URB2: variants seen among roughly 807,000 people sequenced by gnomAD.
URB2 encodes the protein URB2 ribosome biogenesis homolog, also known as unhealthy ribosome biogenesis protein 2 homolog.
A neutral mutation model predicts 120.9 loss-of-function variants in URB2; 86 were observed. The observed-to-expected ratio is 0.71, with a 90% CI of 0.60 to 0.85. The LOEUF (loss-of-function observed/expected upper bound fraction) is 0.85, where lower values mean the gene tolerates loss of function less well. Among genes scored for constraint, URB2 ranks in the 40% least tolerant of loss-of-function variants. URB2 has a pLI of 0.00. For missense variants in URB2, 1,765 were observed against 1,836.5 expected, an observed-to-expected ratio of 0.96 and a Z score of 0.71; for synonymous variants, 755 against 758.4, an observed-to-expected ratio of 1.00 and a Z score of 0.07.
chr1:229,653,350 A>G (rs1389710294), intron 8 of URB2, among the ~76,000 whole-genome samples: 1 of 152,216 alleles, frequency 6.6e-6, no homozygotes, highest in Non-Finnish European at 1.5e-5. Context: ...ATAAAATTTA[A>G]TGGGTTTTAT....
chr1:229,641,485 C>T (rs1666011242), intron 4 of URB2, among the ~76,000 whole-genome samples: 1 of 152,138 alleles, frequency 6.6e-6, no homozygotes, highest in Admixed American at 6.5e-5. Context: ...GCCTCTTCCA[C>T]CTGAGCTGTT....
chr1:229,645,729 C>A, intron 5 of URB2, 130 bp from the exon 6 acceptor site: 1 of 773,838 alleles, frequency 1.3e-6, no homozygotes, highest in Non-Finnish European at 2.2e-6. Context: ...GCCTTGTCCA[C>A]CTCCCCTGAC....
chr1:229,657,996 C>T lies in URB2; in HGVS notation c.4378-1104C>T, dbSNP rs536655764. Among the ~76,000 whole-genome samples, 28 of 152,198 alleles carry T rather than the reference C, an allele frequency of 1.8e-4. No homozygotes were observed. In the Middle Eastern group the frequency reaches 0.014, roughly 74 times the overall value. ...CCAGGCCTGTCTGCTGATGCTCTAC[C>T]ACTGCTTTGGTTTTTTTCTACTTCT... On this transcript the variant is annotated intron_variant, in intron 9 of 9. Transcript: ENST00000258243.
intron 4 of URB2, among the ~76,000 whole-genome samples, chr1:229,640,395 A>G (rs1407484641): frequency 3.3e-5 from 5 of 152,194 alleles, no homozygotes; most frequent in Non-Finnish European, 7.3e-5. Context: ...TTAATGGAAG[A>G]GATTTCTTGT....
At chr1:229,655,974 A>G (rs1400459605) in intron 9 of URB2, among the ~76,000 whole-genome samples, 1 of 152,216 alleles carries the variant, frequency 6.6e-6, no homozygotes, top group Non-Finnish European at 1.5e-5. Flanking sequence ...TCACCTCGGC[A>G]GGTGGCGATG....
intron 6 of URB2, 118 bp from the exon 7 acceptor site, chr1:229,647,392 C>T: frequency 7.8e-7 from 1 of 1,289,284 alleles, no homozygotes; most frequent in Non-Finnish European, 1.1e-6. Context: ...GCCCACGGAC[C>T]ACATCAATTC....
intron 9 of URB2, 151 bp downstream of exon 9, chr1:229,654,539 C>A: frequency 8.7e-7 from 1 of 1,145,334 alleles, no homozygotes; most frequent in Non-Finnish European, 1.2e-6. Flanking sequence ...CTCACTCAGG[C>A]TGGAGTGCAT....
chr1:229,659,150 C>T lies in URB2; in HGVS notation c.4428C>T (p.Leu1476=). The T allele has an allele frequency of 6.2e-7, 1 of 1,612,924 alleles. No individual in the cohort carries two copies. Among genetic ancestry groups the T allele is most frequent in the Non-Finnish European group, 8.5e-7 (1 of 1,180,024 alleles). ...VKSLLQEGIY[L]ILDLCIEPDV... Reference sequence around the variant, plus strand: ...GTCTGCTGCAGGAGGGCATTTACCTCATCCTGGACCTCTGCATCGAGCCTG... The same window carrying T: ...GTCTGCTGCAGGAGGGCATTTACCTTATCCTGGACCTCTGCATCGAGCCTG... The change falls in exon 10 of 10, where the codon CTC becomes CTT. Residue 1476 remains leucine (L), a synonymous_variant. Transcript: ENST00000258243.
rs761698361 is a variant in URB2 at position 229,647,532 on chromosome 1, A to C, written c.3929A>C (p.Gln1310Pro). ...TAGCTCTTAAACCGAGAAGCTTCTC[A>C]GGAGCAGCCTGTGTCCCTCACAGTG... ...ALTLLNREAS[Q>P]EQPVSLTVVG... Residue 1310 changes from glutamine (Q) to proline (P), a missense_variant, in exon 7 of 10, where the codon CAG becomes CCG. Physicochemically the swap from Gln to Pro is moderately conservative, Grantham distance 76. Transcript: ENST00000258243. The C allele has an allele frequency of 6.2e-7, 1 of 1,613,804 alleles. No individual in the cohort carries two copies. Among genetic ancestry groups the C allele is most frequent in the Admixed American group, 1.7e-5 (1 of 59,998 alleles).
At chr1:229,647,841 G>C (rs1666189810) in intron 7 of URB2, 89 bp downstream of exon 7, 2 of 1,514,694 alleles carry the variant, frequency 1.3e-6, no homozygotes, top group Non-Finnish European at 1.8e-6. Flanking sequence ...AAACTTTACT[G>C]TTGCAGGATA....
chr1:229,632,976 T>C (rs1305707470), intron 3 of URB2, among the ~76,000 whole-genome samples: 1 of 152,230 alleles, frequency 6.6e-6, no homozygotes, highest in African/African-American at 2.4e-5. Context: ...TTAAATACCA[T>C]GAGAATAGCT....
chr1:229,632,561 G>T (rs1000308866), intron 3 of URB2, 116 bp downstream of exon 3: 4 of 808,544 alleles, frequency 4.9e-6, no homozygotes, highest in Non-Finnish European at 3.5e-6. Context: ...TAAGGTAGGA[G>T]AAAAAGGATG....
chr1:229,628,155 A>T (rs1006039606), intron 2 of URB2, among the ~76,000 whole-genome samples: 3 of 118,118 alleles, frequency 2.5e-5, no homozygotes, highest in Non-Finnish European at 5.1e-5. Context: ...TAATATATAT[A>T]GTATATGTAT....
intron 4 of URB2, among the ~76,000 whole-genome samples, chr1:229,642,026 AC>A (rs779743924): frequency 6.6e-6 from 1 of 152,300 alleles, no homozygotes; most frequent in Admixed American, 6.5e-5. Flanking sequence ...CATAAAAAAA[AC>A]CAATTAAAAT....
At chr1:229,653,391 T>TA (rs1666327603) in intron 8 of URB2, among the ~76,000 whole-genome samples, 1 of 152,218 alleles carries the variant, frequency 6.6e-6, no homozygotes, top group African/African-American at 2.4e-5. Context: ...ACAATCAAAA[T>TA]ATAGAATATT....
At chr1:229,652,944 A>T (rs1172060419) in intron 8 of URB2, among the ~76,000 whole-genome samples, 1 of 152,228 alleles carries the variant, frequency 6.6e-6, no homozygotes, top group Admixed American at 6.5e-5. Flanking sequence ...AGACACATTC[A>T]TGGCTTAACT....
At chr1:229,658,731 G>A (rs1022438567) in intron 9 of URB2, among the ~76,000 whole-genome samples, 14 of 152,112 alleles carry the variant, frequency 9.2e-5, no homozygotes, top group Non-Finnish European at 1.9e-4. Context: ...GACACAATGG[G>A]CAGGCAGCTT....
intron 2 of URB2, among the ~76,000 whole-genome samples, chr1:229,628,469 G>A (rs1181320948): frequency 6.6e-6 from 1 of 151,876 alleles, no homozygotes; most frequent in Non-Finnish European, 1.5e-5. Context: ...TTTGTTTGGA[G>A]ACATTATATT....
At chr1:229,643,428 T>C in intron 4 of URB2, 105 bp from the exon 5 acceptor site, 1 of 1,358,470 alleles carries the variant, frequency 7.4e-7, no homozygotes, top group African/African-American at 1.4e-5. Flanking sequence ...CCTAACTTGG[T>C]GATTTTTGAT....
Sources: gnomAD v4.1 joint callset for allele counts (sites outside exome capture counted in the v4.1 genomes callset) on GRCh38, gnomAD v4.1.1 for gene constraint, MANE v1.5 for transcripts, NCBI Gene and HGNC (gene_info 2026-07-23, HGNC 2026-07-21) for gene names.